The following GRPEL1 variants were observed in gnomAD, a reference collection of about 807,000 sequenced individuals.
GRPEL1 encodes GrpE like 1, mitochondrial.
A neutral mutation model predicts 22.1 loss-of-function variants in GRPEL1; 13 were observed. The ratio of observed to expected loss-of-function variants is 0.59; its 90% CI spans 0.38 to 0.94. The LOEUF is 0.94. Among genes scored for constraint, GRPEL1 ranks in the 40% least tolerant of loss-of-function variants. The pLI is 0.00. For missense variants in GRPEL1, 289 were observed against 264.6 expected, an observed-to-expected ratio of 1.09 and a Z score of -0.64; for synonymous variants, 109 against 105.3, an observed-to-expected ratio of 1.03 and a Z score of -0.21.
At chr4:7,061,397 C>T (rs543201075) in intron 3 of GRPEL1, 189 bp from the exon 4 acceptor site, 2 of 562,938 alleles carry the variant, frequency 3.6e-6, no homozygotes, top group South Asian at 4.8e-5. Context: ...GGATGAGACC[C>T]AGAATTTACT....
rs777855411 is a variant in GRPEL1, at chr4:7,060,856, C to A, written c.*6G>T. 3.1e-6 allele frequency: 5 copies of A among 1,603,198 alleles called. No homozygotes were observed. The highest frequency in any genetic ancestry group is 4.3e-6 in the Non-Finnish European group (5 of 1,174,136). On this transcript the variant is annotated 3_prime_UTR_variant, in exon 4 of 4. Transcript: ENST00000264954. ...AGTTTAAAAACACCCACCCCATCAA[C>A]AGCAGCTAAGCTTCCTTCACCACCC...
At chr4:7,062,656 C>T (rs543166144) in intron 2 of GRPEL1, among the ~76,000 whole-genome samples, 190 bp from the exon 3 acceptor site, 60 of 151,808 alleles carry the variant, frequency 4.0e-4, no homozygotes, top group Admixed American at 2.9e-3. Context: ...GGACTACAGG[C>T]GCCTGCCACC....
At position 7,060,828 on chromosome 4, in the gene GRPEL1, G is replaced by C. The variant is rs1429963611; in HGVS notation, c.*34C>G. On this transcript the variant is annotated 3_prime_UTR_variant, in exon 4 of 4. Coordinates refer to ENST00000264954, the MANE Select transcript of GRPEL1 (RefSeq NM_025196.4). ...GAACCAGCCTTGAGAGTTACATCAA[G>C]TGAGTTTAAAAACACCCACCCCATC... is the stretch of plus-strand genomic sequence containing the variant. The C allele has an allele frequency of 6.5e-7, 1 of 1,535,020 alleles. No homozygotes were observed. Among genetic ancestry groups the C allele is most frequent in the Non-Finnish European group, 8.9e-7 (1 of 1,123,390 alleles).
In GRPEL1 at chr4:7,061,182, A is replaced by C; in HGVS notation, c.334T>G (p.Leu112Val). Reference protein sequence around the residue: ...YGIQAFCKDLLEVADVLEKAT... With the variant: ...YGIQAFCKDLVEVADVLEKAT... Reference sequence around the variant, plus strand: ...TTCTCCAGAACGTCTGCCACCTCCAACAAGTCCTTGCAGAAGGCTTGAATG... The same window carrying C: ...TTCTCCAGAACGTCTGCCACCTCCACCAAGTCCTTGCAGAAGGCTTGAATG... Residue 112 changes from leucine to valine, a missense_variant, in exon 4 of 4, where the codon TTG becomes GTG. Coordinates refer to ENST00000264954, the MANE Select transcript of GRPEL1 (RefSeq NM_025196.4). The C allele has an allele frequency of 1.9e-6, 3 of 1,612,472 alleles. No individual in the cohort carries two copies. The highest frequency in any genetic ancestry group is 1.3e-5 in the African/African-American group (1 of 74,896).
At chr4:7,063,927 G>C (rs1481705842) in intron 2 of GRPEL1, 134 bp downstream of exon 2, 1 of 960,398 alleles carries the variant, frequency 1.0e-6, no homozygotes, top group Non-Finnish European at 1.5e-6. Flanking sequence ...TTGCCACCTG[G>C]GCCCACTGCA....
intron 1 of GRPEL1, among the ~76,000 whole-genome samples, chr4:7,065,351 C>T (rs1014566687): frequency 1.3e-5 from 2 of 152,054 alleles, no homozygotes; most frequent in African/African-American, 4.8e-5. Context: ...CCCGTCTCTT[C>T]TAAAAATACA....
At chr4:7,065,047 C>G (rs932824614) in intron 1 of GRPEL1, among the ~76,000 whole-genome samples, 1 of 152,170 alleles carries the variant, frequency 6.6e-6, no homozygotes, top group African/African-American at 2.4e-5. Flanking sequence ...GTACTAACCT[C>G]CTCTTTCCAT....
intron 2 of GRPEL1, among the ~76,000 whole-genome samples, chr4:7,062,695 G>A (rs1364088485): frequency 1.3e-5 from 2 of 151,762 alleles, no homozygotes; most frequent in African/African-American, 4.8e-5. Context: ...TGTATTTTTA[G>A]TAGAGATAGG....
At position 7,064,340 on chromosome 4, in the gene GRPEL1, A is replaced by G. The variant is rs1272021844; in HGVS notation, c.63-117T>C. ...AACTATTTACTATTACTTGGGGAGA[A>G]AACATTTCTGTTAGATCTAATAAAG... On this transcript the variant is annotated intron_variant, in intron 1 of 3. Coordinates refer to ENST00000264954, the MANE Select transcript of GRPEL1 (RefSeq NM_025196.4). 7.8e-6 allele frequency: 8 copies of G among 1,021,762 alleles called. No individual in the cohort carries two copies. The African/African-American group carries it at 1.1e-4, about 15-fold the overall frequency. 63.3% of individuals were successfully genotyped at this position (1,021,762 alleles called of 1,614,324 possible).
chr4:7,062,498 A>ATATATG, intron 2 of GRPEL1, 32 bp from the exon 3 acceptor site: 1 of 46,438 alleles, frequency 2.2e-5, no homozygotes. Context: ...ATTTATATAT[A>ATATATG]TATATATATA....
In GRPEL1 at chr4:7,064,179, C is replaced by T; in HGVS notation, c.107G>A (p.Ser36Asn). 6.2e-7 allele frequency: 1 copy of T among 1,614,112 alleles called. No individual in the cohort carries two copies. Among genetic ancestry groups the T allele is most frequent in the Non-Finnish European group, 8.5e-7 (1 of 1,179,976 alleles). ...CATGTCCTCTTCCAGGTTCTGGCCACTGTTCTTTTGTTTCGTGGCTGTGCA... is the reference window on the plus strand; with the variant it reads ...CATGTCCTCTTCCAGGTTCTGGCCATTGTTCTTTTGTTTCGTGGCTGTGCA... ...LLCTATKQKN[S>N]GQNLEEDMGQ... The change falls in exon 2 of 4, where the codon AGT becomes AAT. Residue 36 changes from serine (S) to asparagine (N), a missense_variant. By Grantham distance (46) the Ser-to-Asn change is conservative (BLOSUM62 1). Coordinates refer to ENST00000264954, the MANE Select transcript of GRPEL1 (RefSeq NM_025196.4).
At chr4:7,063,487 G>A (rs919885739) in intron 2 of GRPEL1, among the ~76,000 whole-genome samples, 1 of 152,200 alleles carries the variant, frequency 6.6e-6, no homozygotes, top group African/African-American at 2.4e-5. Flanking sequence ...CAAGGAGCAA[G>A]AGCTCCAAGT....
chr4:7,064,378 TG>T (rs202181611), intron 1 of GRPEL1, 155 bp from the exon 2 acceptor site: 16,355 of 654,066 alleles, frequency 0.025, 311 homozygotes, highest in Non-Finnish European at 0.027. Flanking sequence ...ACACTGTACG[TG>T]ACATATAGAA....
chr4:7,061,422 C>T (rs1724038396), intron 3 of GRPEL1: 1 of 539,150 alleles, frequency 1.9e-6, no homozygotes, highest in Non-Finnish European at 3.3e-6. Context: ...TTAGAATTCA[C>T]TAAAATGTGA....
intron 3 of GRPEL1, 31 bp from the exon 4 acceptor site, chr4:7,061,239 T>A: frequency 6.4e-7 from 1 of 1,562,952 alleles, no homozygotes. Context: ...TCATTTGCAC[T>A]CCATACCAAC....
intron 1 of GRPEL1, among the ~76,000 whole-genome samples, chr4:7,067,170 A>G (rs1724188086): frequency 6.6e-6 from 1 of 152,160 alleles, no homozygotes; most frequent in African/African-American, 2.4e-5. Flanking sequence ...CTAATCAATA[A>G]CTTGGTTCTA....
Position 7,059,433 on chromosome 4 carries a change from G to A in GRPEL1, c.*1429C>T, listed in dbSNP as rs1219616061. 1 of 152,202 alleles carries A rather than the reference G, an allele frequency of 6.6e-6. No homozygotes were observed. The highest frequency in any genetic ancestry group is 1.5e-5 in the Non-Finnish European group (1 of 68,042). The allele number at this position is 152,202 out of a possible 1,614,324, so 9.4% of individuals were successfully genotyped here. A position where few individuals can be genotyped will look rare whatever the true frequency, so the allele number is the denominator to read the frequency against. On this transcript the variant is annotated 3_prime_UTR_variant, in exon 4 of 4. Coordinates refer to ENST00000264954, the MANE Select transcript of GRPEL1 (RefSeq NM_025196.4). The stretch of plus-strand genomic sequence containing the variant: ...ACTCGGGAGCTCCAGGGGTGATGAT[G>A]CACTCACAACCCCACAGCGTGAAAA...
At chr4:7,066,727 T>C (rs753730908) in intron 1 of GRPEL1, among the ~76,000 whole-genome samples, 1 of 152,138 alleles carries the variant, frequency 6.6e-6, no homozygotes, top group African/African-American at 2.4e-5. Flanking sequence ...CAACACAAAG[T>C]GTGGCCAGGA....
At chr4:7,061,866 A>T (rs941012433) in intron 3 of GRPEL1, 1 of 153,190 alleles carries the variant, frequency 6.5e-6, no homozygotes, top group African/African-American at 2.4e-5. Flanking sequence ...TAGGTTCCAC[A>T]TCTCTAATAC....
Sources: gnomAD v4.1 joint callset for allele counts (sites outside exome capture counted in the v4.1 genomes callset) on GRCh38, gnomAD v4.1.1 for gene constraint, MANE v1.5 for transcripts, NCBI Gene and HGNC (gene_info 2026-07-23, HGNC 2026-07-21) for gene names.